RBFOX1: variants seen among roughly 807,000 people sequenced by gnomAD.
The protein encoded by RBFOX1 is RNA binding protein fox-1 homolog 1.
In RBFOX1, 8 loss-of-function variants were observed where a neutral mutation model predicts 57.7. That is an observed-to-expected ratio of 0.14 (90% confidence interval 0.08 to 0.25). RBFOX1 has a LOEUF of 0.25. Among genes scored for constraint, RBFOX1 ranks in the 10% least tolerant of loss-of-function variants. The pLI is 1.00. For synonymous variants in RBFOX1, 326 were observed against 222.4 expected, an observed-to-expected ratio of 1.47 and a Z score of -4.15; for missense variants, 611 against 548.5, an observed-to-expected ratio of 1.11 and a Z score of -1.14.
chr16:6,964,677 A>G (rs1209507215), intron 3 of RBFOX1, among the ~76,000 whole-genome samples: 2 of 152,168 alleles, frequency 1.3e-5, no homozygotes, highest in Non-Finnish European at 2.9e-5. Flanking sequence ...CCTTCCCAGG[A>G]TTTGCAAAAG....
At chr16:5,299,832 T>A (rs1386208137) in intron 1 of RBFOX1, among the ~76,000 whole-genome samples, 1 of 152,210 alleles carries the variant, frequency 6.6e-6, no homozygotes, top group Non-Finnish European at 1.5e-5. Flanking sequence ...AAATTGTGGA[T>A]ACAAGTGGGG....
intron 1 of RBFOX1, among the ~76,000 whole-genome samples, chr16:5,389,446 C>A (rs2066344409): frequency 6.6e-6 from 1 of 152,030 alleles, no homozygotes; most frequent in Non-Finnish European, 1.5e-5. Context: ...ATAGCGCTTC[C>A]CACCCCTGCA....
intron 4 of RBFOX1, among the ~76,000 whole-genome samples, chr16:7,243,950 G>A (rs1312147661): frequency 2.0e-5 from 3 of 147,562 alleles, no homozygotes; most frequent in African/African-American, 7.8e-5. Flanking sequence ...AACCTCTGAA[G>A]TCACATACAA....
intron 4 of RBFOX1, chr16:7,510,259 A>G (rs1219963743): frequency 2.0e-6 from 2 of 985,894 alleles, no homozygotes; most frequent in Non-Finnish European, 2.4e-6. Flanking sequence ...GTGGTGTGGG[A>G]CAAGAACAGC....
At chr16:7,002,928 T>C (rs980780870) in intron 3 of RBFOX1, among the ~76,000 whole-genome samples, 2 of 151,990 alleles carry the variant, frequency 1.3e-5, no homozygotes, top group African/African-American at 4.8e-5. Context: ...ACTTAGGAAG[T>C]TAGAAAGTGT....
At chr16:7,054,824 T>C (rs1261070259) in intron 4 of RBFOX1, among the ~76,000 whole-genome samples, 3 of 152,184 alleles carry the variant, frequency 2.0e-5, no homozygotes, top group Admixed American at 6.5e-5. Context: ...GGTCCTTCAT[T>C]AGTGCATTCT....
At position 6,189,456 on chromosome 16, in the gene RBFOX1, C is replaced by T. The variant is rs192824799; in HGVS notation, c.-126-127539C>T. On this transcript the variant is annotated intron_variant, in intron 1 of 15. Coordinates refer to ENST00000550418, the MANE Select transcript of RBFOX1 (RefSeq NM_018723.4). ...ACAGTGACAGAGAACTGTTGGGTTG[C>T]CGGGGCTAATTGCTATTTAGCTCTT... Among the ~76,000 whole-genome samples, 36 of 152,248 alleles carry T rather than the reference C, an allele frequency of 2.4e-4. No homozygotes were observed. The East Asian group carries it at 6.0e-3, about 25-fold the overall frequency.
intron 3 of RBFOX1, among the ~76,000 whole-genome samples, chr16:6,911,674 A>T (rs772392568): frequency 1.3e-5 from 2 of 152,206 alleles, no homozygotes. Flanking sequence ...ACAAAGTTCA[A>T]TCCATAGCAG....
intron 1 of RBFOX1, chr16:5,270,705 A>C: frequency 2.0e-6 from 1 of 504,058 alleles, no homozygotes; most frequent in Non-Finnish European, 3.7e-6. Context: ...ATGTGCAGAC[A>C]AATGACTTGA....
Position 7,645,156 on chromosome 16 carries a change from A to G in RBFOX1, c.758-8659A>G, listed in dbSNP as rs140112395. ...GTTCACATTCTTGCCAATTCCTTCG[A>G]TGCATCCCAATCAGACCTATAACAG... On this transcript the variant is annotated intron_variant, in intron 11 of 15. Coordinates refer to ENST00000550418, the MANE Select transcript of RBFOX1 (RefSeq NM_018723.4). Among the ~76,000 whole-genome samples the G allele has an allele frequency of 2.0e-5, 3 of 152,214 alleles. No individual in the cohort carries two copies. The East Asian group carries it at 5.8e-4, about 29-fold the overall frequency.
chr16:7,026,736 C>A (rs1008211118), intron 3 of RBFOX1, among the ~76,000 whole-genome samples: 5 of 152,182 alleles, frequency 3.3e-5, no homozygotes, highest in Non-Finnish European at 7.3e-5. Context: ...CATACCTCCC[C>A]TACCCAATTC....
rs113202974 is a variant in RBFOX1 at position 6,212,584 on chromosome 16, G to A, written c.-126-104411G>A. Among the ~76,000 whole-genome samples the A allele has an allele frequency of 4.6e-4, 70 of 152,082 alleles. 1 individual carries two copies. Among genetic ancestry groups the A allele is most frequent in the Non-Finnish European group, 1.9e-4 (13 of 68,018 alleles). On this transcript the variant is annotated intron_variant, in intron 1 of 15. Transcript: ENST00000550418. ...TAGTTGGGCATGGTGGTGGGCGCCT[G>A]TAGTCCCAGCTACTTGGGAGGCTGA...
At position 5,250,570 on chromosome 16, in the gene RBFOX1, C is replaced by A. The variant is rs761889023; in HGVS notation, c.219+10465C>A. Among the ~76,000 whole-genome samples the A allele has an allele frequency of 3.3e-5, 5 of 152,310 alleles. No individual in the cohort carries two copies. In the East Asian group the frequency reaches 9.6e-4, roughly 29 times the overall value. ...CACCTTTTTCCTCTGTGCACGCAAG[C>A]ACATGTATTTGCACATAAGTGCTTA... is the stretch of plus-strand genomic sequence containing the variant. On this transcript the variant is annotated intron_variant, in intron 1 of 2. Transcript: ENST00000585867.
intron 2 of RBFOX1, among the ~76,000 whole-genome samples, chr16:5,561,413 A>G (rs7202930): frequency 0.29 from 44,360 of 151,740 alleles, 6,844 homozygotes; most frequent in African/African-American, 0.4. Context: ...GTAATTCTGT[A>G]TTTTGAATAC....
At position 7,187,677 on chromosome 16, in the gene RBFOX1, A is replaced by T. The variant is rs538674442; in HGVS notation, c.27+135579A>T. Reference sequence around the variant, plus strand: ...GCAGTCCAGCCTGGGCAACAGAATGAGACTCTGTCTCACAAAAAAAAAAAA... The same window carrying T: ...GCAGTCCAGCCTGGGCAACAGAATGTGACTCTGTCTCACAAAAAAAAAAAA... On this transcript the variant is annotated intron_variant, in intron 4 of 15. Coordinates refer to ENST00000550418, the MANE Select transcript of RBFOX1 (RefSeq NM_018723.4). 7.8e-4 allele frequency among the ~76,000 whole-genome samples: 97 copies of T among 124,210 alleles called. 1 individual carries two copies. Among genetic ancestry groups the T allele is most frequent in the Middle Eastern group, 4.8e-3 (1 of 210 alleles). 81.5% of individuals were successfully genotyped at this position (124,210 alleles called of 152,430 possible).
intron 3 of RBFOX1, among the ~76,000 whole-genome samples, chr16:5,783,914 A>G (rs1445209517): frequency 6.6e-6 from 1 of 152,228 alleles, no homozygotes; most frequent in African/African-American, 2.4e-5. Context: ...ACAAATTCAT[A>G]CATGGAAATC....
intron 1 of RBFOX1, among the ~76,000 whole-genome samples, chr16:6,167,535 A>C (rs1338784023): frequency 1.3e-5 from 2 of 152,124 alleles, no homozygotes; most frequent in Non-Finnish European, 2.9e-5. Flanking sequence ...GGGACTGACA[A>C]ATTTTTGGAT....
intron 2 of RBFOX1, among the ~76,000 whole-genome samples, chr16:5,548,559 A>G (rs2045329260): frequency 6.6e-6 from 1 of 152,122 alleles, no homozygotes; most frequent in South Asian, 2.1e-4. Flanking sequence ...TGGATACCCC[A>G]TTCTCCATGA....
At chr16:6,513,893 G>A (rs1297927535) in intron 2 of RBFOX1, among the ~76,000 whole-genome samples, 1 of 152,154 alleles carries the variant, frequency 6.6e-6, no homozygotes, top group Non-Finnish European at 1.5e-5. Flanking sequence ...CACCTGAGGG[G>A]GCGTCAGGCT....
Sources: allele counts gnomAD v4.1 joint callset (sites outside exome capture counted in the v4.1 genomes callset), GRCh38; gene constraint gnomAD v4.1.1; transcripts MANE v1.5; gene names NCBI Gene and HGNC (gene_info 2026-07-23, HGNC 2026-07-21).